Variants in FARP1 observed in about 807,000 individuals in gnomAD.
FARP1 encodes FERM, ARHGEF and pleckstrin domain-containing protein 1.
FARP1 carries 52 observed loss-of-function variants against 128.8 expected under a neutral mutation model. The observed-to-expected ratio is 0.40, with a 90% CI of 0.32 to 0.51. FARP1 has a LOEUF of 0.51. FARP1 is among the 20% of genes least tolerant of loss of function. The probability of loss-of-function intolerance (pLI) is 0.45; values close to 1 mark genes in which losing one functional copy is unlikely to be tolerated. For missense variants in FARP1, 1,333 were observed against 1,367.9 expected (o/e 0.97, Z 0.40); for synonymous variants, 580 against 551.8 (o/e 1.05, Z -0.72).
chr13:98,293,114 C>T (rs1050563563), intron 2 of FARP1, among the ~76,000 whole-genome samples: 7 of 151,848 alleles, frequency 4.6e-5, no homozygotes, highest in Non-Finnish European at 8.8e-5. Flanking sequence ...ATCAGATGGA[C>T]GAATCTTTTC....
intron 2 of FARP1, among the ~76,000 whole-genome samples, chr13:98,228,872 A>G (rs559549869): frequency 1.3e-5 from 2 of 152,308 alleles, no homozygotes; most frequent in South Asian, 2.1e-4. Flanking sequence ...TACTAAAGGG[A>G]TTAGATGTTC....
intron 2 of FARP1, among the ~76,000 whole-genome samples, chr13:98,234,946 G>A (rs1159338774): frequency 1.3e-5 from 2 of 152,142 alleles, no homozygotes; most frequent in Admixed American, 6.5e-5. Context: ...TAAGCCAGGG[G>A]TTAGTAACAT....
At chr13:98,321,690 A>G (rs139326901) in intron 2 of FARP1, among the ~76,000 whole-genome samples, 7 of 152,232 alleles carry the variant, frequency 4.6e-5, no homozygotes, top group African/African-American at 1.4e-4. Flanking sequence ...CAGTTAAGGG[A>G]AGCCTCTTGG....
Position 98,411,781 on chromosome 13 carries a change from A to C in FARP1, c.1693-120A>C. 4.7e-6 allele frequency: 5 copies of C among 1,065,688 alleles called. No individual in the cohort carries two copies. The Admixed American group carries it at 1.1e-4, about 24-fold the overall frequency. The allele number at this position is 1,065,688 out of a possible 1,614,324, so 66.0% of individuals were successfully genotyped here. ...GCCCCGTGTTCCTGAAATGCCAAGA[A>C]CCTCGCAGGAAAGCCCTGGCTCCTC... On this transcript the variant is annotated intron_variant, in intron 15 of 26. Transcript: ENST00000319562.
chr13:98,448,201 C>G (rs751016334), intron 26 of FARP1, 35 bp from the exon 27 acceptor site: 2 of 1,587,908 alleles, frequency 1.3e-6, no homozygotes, highest in Non-Finnish European at 1.7e-6. Context: ...TCCGTCCAAA[C>G]AAAAGGTTGA....
intron 2 of FARP1, among the ~76,000 whole-genome samples, chr13:98,260,888 C>T (rs1314271810): frequency 2.0e-5 from 3 of 152,182 alleles, no homozygotes; most frequent in South Asian, 4.1e-4. Flanking sequence ...TTCCAAATCC[C>T]AGGGGGCTGG....
At chr13:98,280,878 G>C (rs900504208) in intron 2 of FARP1, among the ~76,000 whole-genome samples, 5 of 152,170 alleles carry the variant, frequency 3.3e-5, no homozygotes, top group Non-Finnish European at 7.3e-5. Context: ...GGCTGGGTTC[G>C]TTCTGAGAAA....
At chr13:98,362,272 G>A (rs7330525) in intron 3 of FARP1, among the ~76,000 whole-genome samples, 67,103 of 151,918 alleles carry the variant, frequency 0.44, 16,517 homozygotes, top group Non-Finnish European at 0.58. Context: ...ACAAGCAAGT[G>A]AACAATACCC....
chr13:98,390,831 G>A lies in FARP1; in HGVS notation c.1039G>A (p.Val347Ile). 1.2e-6 allele frequency: 2 copies of A among 1,613,688 alleles called. No homozygotes were observed. Among genetic ancestry groups the A allele is most frequent in the Non-Finnish European group, 1.7e-6 (2 of 1,179,700 alleles). Reference protein sequence around the residue: ...FRFSGRTQKQVLDYVKEGGHK... With the variant: ...FRFSGRTQKQILDYVKEGGHK... The stretch of plus-strand genomic sequence containing the variant: ...TTTCAGTGGTCGGACTCAGAAGCAG[G>A]TTCTCGACTATGTTAAAGAAGGAGG... Residue 347 changes from valine to isoleucine, a missense_variant, in exon 11 of 27, where the codon GTT (valine) becomes ATT (isoleucine). Transcript: ENST00000319562.
At chr13:98,376,401 CA>C (rs1566931682) in intron 5 of FARP1, among the ~76,000 whole-genome samples, 1 of 152,182 alleles carries the variant, frequency 6.6e-6, no homozygotes, top group Non-Finnish European at 1.5e-5. Context: ...TGGCTTATTT[CA>C]CTTAACATAA....
chr13:98,231,429 CTTATTTTATT>C (rs925629183), intron 2 of FARP1, among the ~76,000 whole-genome samples: 15 of 151,944 alleles, frequency 9.9e-5, no homozygotes, highest in Admixed American at 4.6e-4. Context: ...TTTTCTATTT[CTTATTTTATT>C]TTATTTTATT....
chr13:98,209,050 C>G (rs1355683673), intron 1 of FARP1, among the ~76,000 whole-genome samples: 1 of 152,096 alleles, frequency 6.6e-6, no homozygotes, highest in Admixed American at 6.5e-5. Flanking sequence ...GCTCTGTCAC[C>G]CAGGCTGGAG....
chr13:98,237,541 C>T (rs929310076), intron 2 of FARP1, among the ~76,000 whole-genome samples: 2 of 152,286 alleles, frequency 1.3e-5, no homozygotes, highest in South Asian at 4.1e-4. Flanking sequence ...GGATCATCTC[C>T]GTCATGAGCG....
At chr13:98,317,391 C>T (rs678944) in intron 2 of FARP1, among the ~76,000 whole-genome samples, 31,606 of 152,178 alleles carry the variant, frequency 0.21, 3,594 homozygotes, top group Non-Finnish European at 0.26. Flanking sequence ...TCCTGAGTAG[C>T]TGGCACAGCC....
chr13:98,280,762 C>T (rs1259783051), intron 2 of FARP1, among the ~76,000 whole-genome samples: 2 of 152,298 alleles, frequency 1.3e-5, no homozygotes, highest in Middle Eastern at 3.4e-3. Context: ...ATTCCATTGA[C>T]TCCATTTTTA....
chr13:98,151,047 A>C (rs1458930403), intron 1 of FARP1, among the ~76,000 whole-genome samples: 1 of 151,984 alleles, frequency 6.6e-6, no homozygotes, highest in Admixed American at 6.6e-5. Flanking sequence ...CTGAATAAAC[A>C]ATTCACAGGT....
intron 11 of FARP1, 39 bp from the exon 12 acceptor site, chr13:98,393,604 C>T (rs774613646): frequency 5.2e-6 from 8 of 1,532,662 alleles, no homozygotes; most frequent in Non-Finnish European, 7.2e-6. Context: ...GAAACAAAAA[C>T]CTCACCTAAC....
chr13:98,157,719 G>C (rs956559989), intron 1 of FARP1, among the ~76,000 whole-genome samples: 2 of 152,218 alleles, frequency 1.3e-5, no homozygotes, highest in African/African-American at 4.8e-5. Flanking sequence ...AATTGGCAGA[G>C]CAGAGATAGA....
chr13:98,272,947 C>T (rs1884458257), intron 2 of FARP1, among the ~76,000 whole-genome samples: 1 of 152,128 alleles, frequency 6.6e-6, no homozygotes, highest in Admixed American at 6.6e-5. Flanking sequence ...AAACCAGACT[C>T]CATAAAATAT....
Sources: gnomAD v4.1 joint callset for allele counts (sites outside exome capture counted in the v4.1 genomes callset) on GRCh38, gnomAD v4.1.1 for gene constraint, MANE v1.5 for transcripts, NCBI Gene and HGNC (gene_info 2026-07-23, HGNC 2026-07-21) for gene names.